ETS1: variants seen among roughly 807,000 people sequenced by gnomAD.
The protein encoded by ETS1 is ETS proto-oncogene 1, transcription factor.
Under a neutral mutation model 58.6 loss-of-function variants are expected in ETS1, and 15 were observed. That is an observed-to-expected ratio of 0.26 (90% CI 0.17 to 0.39). ETS1 has a LOEUF of 0.39. Among genes scored for constraint, ETS1 ranks in the 10% least tolerant of loss-of-function variants. ETS1 has a pLI of 1.00. For missense variants in ETS1, 417 were observed against 610.5 expected, an observed-to-expected ratio of 0.68 and a Z score of 3.34; for synonymous variants, 214 against 218.2, an observed-to-expected ratio of 0.98 and a Z score of 0.17.
At chr11:128,548,688 C>A (rs994226859) in intron 3 of ETS1, among the ~76,000 whole-genome samples, 1 of 152,264 alleles carries the variant, frequency 6.6e-6, no homozygotes, top group Non-Finnish European at 1.5e-5. Flanking sequence ...AGGTTCGGGC[C>A]GAGGCAGCCC....
At chr11:128,529,093 GTACAACTGCTATA>G (rs1427865424) in intron 3 of ETS1, 12 of 152,182 alleles carry the variant, frequency 7.9e-5, no homozygotes, top group African/African-American at 2.9e-4. Context: ...AAGGTAAGAT[GTACAACTGCTATA>G]TACATTATTT....
At chr11:128,548,705 G>A (rs960978079) in intron 3 of ETS1, among the ~76,000 whole-genome samples, 1 of 152,246 alleles carries the variant, frequency 6.6e-6, no homozygotes, top group Admixed American at 6.5e-5. Context: ...GCCCACGCCC[G>A]TCCTCTCCTC....
At chr11:128,513,358 A>C (rs1863439505) in intron 3 of ETS1, among the ~76,000 whole-genome samples, 1 of 152,224 alleles carries the variant, frequency 6.6e-6, no homozygotes, top group African/African-American at 2.4e-5. Context: ...TTGACTGATG[A>C]AGAAAATGAG....
intron 1 of ETS1, among the ~76,000 whole-genome samples, chr11:128,575,063 C>T (rs1362920614): frequency 6.6e-6 from 1 of 152,160 alleles, no homozygotes; most frequent in African/African-American, 2.4e-5. Context: ...CTCCTGAGTC[C>T]TCACAGACCT....
At chr11:128,527,776 T>G (rs1170746646) in intron 3 of ETS1, among the ~76,000 whole-genome samples, 1 of 152,224 alleles carries the variant, frequency 6.6e-6, no homozygotes, top group African/African-American at 2.4e-5. Context: ...GCTAAGGCCT[T>G]CCTCTGATCT....
At chr11:128,575,442 A>G (rs1054823098) in intron 1 of ETS1, among the ~76,000 whole-genome samples, 2 of 152,182 alleles carry the variant, frequency 1.3e-5, no homozygotes, top group Non-Finnish European at 2.9e-5. Flanking sequence ...TTATCCAACA[A>G]TCATGTAATA....
intron 8 of ETS1, among the ~76,000 whole-genome samples, chr11:128,467,189 G>C (rs1862062403): frequency 6.6e-6 from 1 of 152,212 alleles, no homozygotes; most frequent in Non-Finnish European, 1.5e-5. Context: ...TGGGCCCGTG[G>C]ATGGTCTAAT....
intron 7 of ETS1, among the ~76,000 whole-genome samples, chr11:128,480,855 C>A (rs1422376118): frequency 6.6e-6 from 1 of 152,080 alleles, no homozygotes; most frequent in Non-Finnish European, 1.5e-5. Flanking sequence ...GAAATCAGAG[C>A]AATGTCAGGC....
chr11:128,585,740 C>T (rs746805070), intron 1 of ETS1, among the ~76,000 whole-genome samples: 2 of 152,172 alleles, frequency 1.3e-5, no homozygotes, highest in Non-Finnish European at 2.9e-5. Context: ...CCAGGCGGGG[C>T]GCAAATGATT....
chr11:128,467,739 C>T (rs573480181), intron 8 of ETS1, among the ~76,000 whole-genome samples: 5 of 152,142 alleles, frequency 3.3e-5, no homozygotes, highest in South Asian at 2.1e-4. Flanking sequence ...GCACCCTTCA[C>T]GATGCTGCCC....
At position 128,548,117 on chromosome 11, in the gene ETS1, A is replaced by G. The variant is rs111986568; in HGVS notation, c.214+8174T>C. On this transcript the variant is annotated intron_variant, in intron 3 of 9. Coordinates refer to ENST00000392668, the MANE Select transcript of ETS1 (RefSeq NM_001143820.2). Reference sequence around the variant, plus strand: ...GCGAGGAAGGAAAGGAAAGGGAAGGAAAGGAAAGGAAAGGAAAGGGAAGGG... The same window carrying G: ...GCGAGGAAGGAAAGGAAAGGGAAGGGAAGGAAAGGAAAGGAAAGGGAAGGG... Among the ~76,000 whole-genome samples, 4 of 77,740 alleles carry G rather than the reference A, an allele frequency of 5.1e-5. No individual in the cohort carries two copies. The Admixed American group carries it at 6.0e-4, about 12-fold the overall frequency. 51.0% of individuals were successfully genotyped at this position (77,740 alleles called of 152,430 possible). A position where few individuals can be genotyped will look rare whatever the true frequency, so the allele number is the denominator to read the frequency against.
intron 8 of ETS1, among the ~76,000 whole-genome samples, chr11:128,470,256 A>G (rs907532861): frequency 6.6e-6 from 1 of 152,234 alleles, no homozygotes; most frequent in Non-Finnish European, 1.5e-5. Context: ...AAATTTAAAA[A>G]TAAAAGCCAT....
At chr11:128,489,041 G>A (rs1862719905) in intron 5 of ETS1, among the ~76,000 whole-genome samples, 1 of 152,184 alleles carries the variant, frequency 6.6e-6, no homozygotes, top group Admixed American at 6.5e-5. Flanking sequence ...TGCAATCCAA[G>A]AAGCTTCAGT....
intron 3 of ETS1, among the ~76,000 whole-genome samples, chr11:128,554,610 C>A (rs545390324): frequency 6.6e-6 from 1 of 151,856 alleles, no homozygotes; most frequent in African/African-American, 2.4e-5. Flanking sequence ...AAAGGAAGGC[C>A]ATGTCTCTTT....
chr11:128,557,212 A>G (rs1443166377), intron 2 of ETS1, among the ~76,000 whole-genome samples: 1 of 152,190 alleles, frequency 6.6e-6, no homozygotes, highest in Non-Finnish European at 1.5e-5. Context: ...GCAATTGTAA[A>G]ATGAAAATAA....
chr11:128,554,453 C>T (rs1864282327), intron 3 of ETS1, among the ~76,000 whole-genome samples: 1 of 152,014 alleles, frequency 6.6e-6, no homozygotes, highest in Non-Finnish European at 1.5e-5. Context: ...GCTATAAGTC[C>T]TTGCATTTTA....
chr11:128,499,363 C>A (rs2135478063), intron 3 of ETS1, among the ~76,000 whole-genome samples: 1 of 152,298 alleles, frequency 6.6e-6, no homozygotes, highest in South Asian at 2.1e-4. Context: ...TTGACTAGAA[C>A]TGTATCTTTT....
At chr11:128,562,573 C>G (rs1408408823) in intron 2 of ETS1, among the ~76,000 whole-genome samples, 1 of 152,158 alleles carries the variant, frequency 6.6e-6, no homozygotes, top group Non-Finnish European at 1.5e-5. Context: ...AAAGAGGCTA[C>G]CAGAGGACAT....
intron 3 of ETS1, among the ~76,000 whole-genome samples, chr11:128,531,467 A>G (rs1863896563): frequency 6.6e-6 from 1 of 152,228 alleles, no homozygotes; most frequent in African/African-American, 2.4e-5. Context: ...ACTGTAGTAT[A>G]TAGTATTCTT....
Sources: allele counts gnomAD v4.1 joint callset (sites outside exome capture counted in the v4.1 genomes callset), GRCh38; gene constraint gnomAD v4.1.1; transcripts MANE v1.5; gene names NCBI Gene and HGNC (gene_info 2026-07-23, HGNC 2026-07-21).